Variants in RAD51B observed in about 807,000 individuals in gnomAD.
The protein encoded by RAD51B is DNA repair protein RAD51 homolog 2.
A neutral mutation model predicts 42.2 loss-of-function variants in RAD51B; 38 were observed. The ratio of observed to expected loss-of-function variants is 0.90; its 90% CI spans 0.70 to 1.18. The LOEUF is 1.18. RAD51B is among the 50% of genes most tolerant of loss of function. The pLI is 0.00. For missense variants in RAD51B, 373 were observed against 400.7 expected (o/e 0.93, Z 0.59); for synonymous variants, 154 against 145.2 (o/e 1.06, Z -0.43).
chr14:67,940,050 ATATATTTTTTTTTTTTTTTTTTTTTT>A (rs2045132423), intron 7 of RAD51B, among the ~76,000 whole-genome samples: 3 of 13,886 alleles, frequency 2.2e-4, no homozygotes, highest in African/African-American at 5.2e-4. Flanking sequence ...ATATATATAT[ATATATTTTTTTTTTTTTTTTTTTTTT>A]TTTTTTTTTT....
chr14:68,455,330 A>G (rs2331705), intron 9 of RAD51B, among the ~76,000 whole-genome samples: 23,957 of 152,210 alleles, frequency 0.16, 2,492 homozygotes, highest in Non-Finnish European at 0.23. Context: ...AAAACAAAAT[A>G]TAAGAGAAAC....
chr14:68,439,888 C>A (rs1384238503), intron 9 of RAD51B, among the ~76,000 whole-genome samples: 1 of 152,164 alleles, frequency 6.6e-6, no homozygotes, highest in Non-Finnish European at 1.5e-5. Context: ...CAAACCCTGC[C>A]CCTCCCCTGT....
chr14:68,304,818 G>A (rs1339243800), intron 8 of RAD51B, among the ~76,000 whole-genome samples: 20 of 152,118 alleles, frequency 1.3e-4, no homozygotes, highest in Admixed American at 1.1e-3. Flanking sequence ...TTCTGTCTTC[G>A]GTGAGCAAAT....
At chr14:68,116,346 TA>T (rs59572940) in intron 7 of RAD51B, among the ~76,000 whole-genome samples, 11,496 of 135,144 alleles carry the variant, frequency 0.085, 894 homozygotes, top group African/African-American at 0.22. Flanking sequence ...TTTAAAAGGT[TA>T]AAAAAAAAAA....
intron 7 of RAD51B, among the ~76,000 whole-genome samples, chr14:68,188,446 T>G (rs889150757): frequency 1.3e-5 from 2 of 151,908 alleles, no homozygotes; most frequent in African/African-American, 4.8e-5. Flanking sequence ...TTCTTCTTCT[T>G]TTAGGTAAGA....
intron 7 of RAD51B, among the ~76,000 whole-genome samples, chr14:68,156,597 A>T (rs531499314): frequency 3.3e-5 from 5 of 152,020 alleles, no homozygotes; most frequent in Non-Finnish European, 7.4e-5. Flanking sequence ...TTTTTAAAAA[A>T]TTTCTATGTT....
At chr14:68,460,663 G>C (rs1473294078) in intron 9 of RAD51B, among the ~76,000 whole-genome samples, 1 of 152,154 alleles carries the variant, frequency 6.6e-6, no homozygotes, top group Admixed American at 6.5e-5. Flanking sequence ...GAAGGCCTGG[G>C]GTGACTATGC....
intron 7 of RAD51B, among the ~76,000 whole-genome samples, chr14:68,222,088 G>A (rs1414945628): frequency 1.3e-5 from 2 of 152,216 alleles, no homozygotes; most frequent in African/African-American, 4.8e-5. Context: ...TACACTGTTG[G>A]TTGGAATGTA....
At chr14:68,374,250 A>G (rs1364105922) in intron 8 of RAD51B, among the ~76,000 whole-genome samples, 2 of 152,176 alleles carry the variant, frequency 1.3e-5, no homozygotes, top group African/African-American at 4.8e-5. Context: ...TCTGGCACAT[A>G]ATAGGTGCTC....
intron 9 of RAD51B, among the ~76,000 whole-genome samples, chr14:68,444,544 A>C (rs1227680489): frequency 6.6e-6 from 1 of 152,104 alleles, no homozygotes; most frequent in Admixed American, 6.6e-5. Flanking sequence ...AGAGTGTTTT[A>C]TTTTAGAGGG....
At chr14:68,541,335 G>A (rs1424472540) in intron 10 of RAD51B, 1 of 985,356 alleles carries the variant, frequency 1.0e-6, no homozygotes, top group Non-Finnish European at 1.2e-6. Context: ...CAGGCTAATA[G>A]CCTACCTGGC....
chr14:67,908,123 G>A (rs2043839431), intron 7 of RAD51B, among the ~76,000 whole-genome samples: 1 of 152,124 alleles, frequency 6.6e-6, no homozygotes, highest in Admixed American at 6.5e-5. Flanking sequence ...CAAATGTCAT[G>A]GTTGTCAACT....
At chr14:68,186,532 A>T (rs1169446954) in intron 7 of RAD51B, among the ~76,000 whole-genome samples, 8 of 152,170 alleles carry the variant, frequency 5.3e-5, no homozygotes, top group African/African-American at 1.9e-4. Flanking sequence ...AACCCAAATA[A>T]CACTATTAAA....
chr14:68,345,091 C>T (rs1161209194), intron 8 of RAD51B, among the ~76,000 whole-genome samples: 2 of 152,002 alleles, frequency 1.3e-5, no homozygotes, highest in Admixed American at 6.6e-5. Context: ...CATTGTATCT[C>T]GGAAATAAAT....
chr14:68,540,166 C>CTTTTTTT (rs11321834), intron 10 of RAD51B: 28 of 587,324 alleles, frequency 4.8e-5, no homozygotes, highest in Admixed American at 4.6e-4. Context: ...TACCCTGCTC[C>CTTTTTTT]TTTTTTTTTT....
At chr14:68,602,608 A>G (rs1399752026) in intron 10 of RAD51B, among the ~76,000 whole-genome samples, 1 of 152,224 alleles carries the variant, frequency 6.6e-6, no homozygotes, top group Non-Finnish European at 1.5e-5. Context: ...AAATTGGTTT[A>G]TGCAATTGTG....
intron 10 of RAD51B, chr14:68,497,846 T>G (rs1884644207): frequency 4.7e-6 from 1 of 211,808 alleles, no homozygotes; most frequent in Non-Finnish European, 9.6e-6. Flanking sequence ...CAGTACTTCA[T>G]TCTTTTTATG....
Position 68,477,773 on chromosome 14 carries a change from A to C in RAD51B, c.*109A>C, listed in dbSNP as rs1444807759. ...GAAGCTGACATAATGGGGATTAATT[A>C]GTTGATTGCTGTTGAGATGGTAACA... On this transcript the variant is annotated 3_prime_UTR_variant, in exon 11 of 11. Transcript: ENST00000471583. 5.1e-6 allele frequency: 8 copies of C among 1,557,186 alleles called. No individual in the cohort carries two copies. In the African/African-American group the frequency reaches 1.1e-4, roughly 22 times the overall value.
intron 7 of RAD51B, among the ~76,000 whole-genome samples, chr14:68,238,862 A>G (rs1045258030): frequency 2.0e-5 from 3 of 152,162 alleles, no homozygotes; most frequent in African/African-American, 7.2e-5. Flanking sequence ...CTTGGGCAAG[A>G]TGTGTTGCTC....
Sources: gnomAD v4.1 joint callset for allele counts (sites outside exome capture counted in the v4.1 genomes callset) on GRCh38, gnomAD v4.1.1 for gene constraint, MANE v1.5 for transcripts, NCBI Gene and HGNC (gene_info 2026-07-23, HGNC 2026-07-21) for gene names.